The following LRP1B variants were observed in gnomAD, a reference collection of about 807,000 sequenced individuals.
The protein encoded by LRP1B is low-density lipoprotein receptor-related protein 1B.
LRP1B carries 217 observed loss-of-function variants against 556.6 expected under a neutral mutation model. The observed-to-expected ratio is 0.39, with a 90% CI of 0.35 to 0.44. LRP1B has a LOEUF of 0.44. LRP1B is among the 20% of genes least tolerant of loss of function. LRP1B has a pLI of 1.00. For synonymous variants in LRP1B, 2,047 were observed against 1,865.8 expected, an observed-to-expected ratio of 1.10 and a Z score of -2.50; for missense variants, 5,053 against 5,620.8, an observed-to-expected ratio of 0.90 and a Z score of 3.23.
Position 140,357,888 on chromosome 2 carries a change from G to C in LRP1B, c.11395+91C>G, listed in dbSNP as rs1237290324. On this transcript the variant is annotated intron_variant, in intron 74 of 90. Coordinates refer to ENST00000389484, the MANE Select transcript of LRP1B (RefSeq NM_018557.3). ...GCATCAGTCAAGCATACTTTGAAGA[G>C]CAATATTTCCATCCAGAACATTTTA... is the stretch of plus-strand genomic sequence containing the variant. 6.3e-6 allele frequency: 9 copies of C among 1,428,526 alleles called. No homozygotes were observed. The South Asian group carries it at 1.2e-4, about 19-fold the overall frequency. 88.5% of individuals were successfully genotyped at this position (1,428,526 alleles called of 1,614,324 possible).
At chr2:141,526,090 G>GCC (rs961038582) in intron 2 of LRP1B, among the ~76,000 whole-genome samples, 2 of 152,010 alleles carry the variant, frequency 1.3e-5, no homozygotes, top group African/African-American at 4.8e-5. Flanking sequence ...GTGTGGTAAA[G>GCC]TTAGACAGTT....
intron 3 of LRP1B, among the ~76,000 whole-genome samples, chr2:141,371,619 T>C (rs1689234100): frequency 6.6e-6 from 1 of 152,110 alleles, no homozygotes; most frequent in South Asian, 2.1e-4. Flanking sequence ...ACAAGGTAAT[T>C]TTTTAATATT....
chr2:141,300,558 G>C (rs374355346), intron 3 of LRP1B, among the ~76,000 whole-genome samples: 1 of 152,166 alleles, frequency 6.6e-6, no homozygotes, highest in Non-Finnish European at 1.5e-5. Flanking sequence ...GGTGAGCTTC[G>C]TGGCTGATTA....
chr2:140,300,708 G>A lies in LRP1B; in HGVS notation c.12806-2739C>T, dbSNP rs1573754990. On this transcript the variant is annotated intron_variant, in intron 83 of 90. Transcript: ENST00000389484. ...AGCCTATGAGTGTCAAGTACTGGTT[G>A]TAGGACCATGGGGAAATATGTGTTT... Among the ~76,000 whole-genome samples, 3 of 152,118 alleles carry A rather than the reference G, an allele frequency of 2.0e-5. No homozygotes were observed. In the East Asian group the frequency reaches 5.8e-4, roughly 29 times the overall value.
intron 2 of LRP1B, among the ~76,000 whole-genome samples, chr2:141,660,392 T>G (rs1182213914): frequency 7.4e-6 from 1 of 135,304 alleles, no homozygotes; most frequent in East Asian, 2.2e-4. Flanking sequence ...AGATTCTCAG[T>G]GGCCGCCTGG....
rs570169727 is a variant in LRP1B at position 140,855,493 on chromosome 2, G to GGAAAAAAAAAAAAAAAAAAAAA, written c.4580-3711_4580-3710insTTTTTTTTTTTTTTTTTTTTTC. 5.6e-4 allele frequency among the ~76,000 whole-genome samples: 56 copies of GGAAAAAAAAAAAAAAAAAAAAA among 99,408 alleles called. 3 individuals are homozygous for GGAAAAAAAAAAAAAAAAAAAAA. Among genetic ancestry groups the GGAAAAAAAAAAAAAAAAAAAAA allele is most frequent in the African/African-American group, 2.1e-3 (55 of 26,462 alleles). 65.2% of individuals were successfully genotyped at this position (99,408 alleles called of 152,430 possible). On this transcript the variant is annotated intron_variant, in intron 27 of 90. Coordinates refer to ENST00000389484, the MANE Select transcript of LRP1B (RefSeq NM_018557.3). ...GACAGGTAGGTCCCATCTCTACTGG[G>GGAAAAAAAAAAAAAAAAAAAAA]AAAAAAAAAAAATTTGAATGGCTTC...
chr2:140,421,785 G>A (rs775934282), intron 66 of LRP1B, among the ~76,000 whole-genome samples: 1 of 152,160 alleles, frequency 6.6e-6, no homozygotes, highest in Non-Finnish European at 1.5e-5. Flanking sequence ...AAACAGTGAA[G>A]GACTGAGTAA....
At chr2:140,540,950 A>G (rs768050848) in intron 45 of LRP1B, 23 bp downstream of exon 45, 1 of 1,600,656 alleles carries the variant, frequency 6.2e-7, no homozygotes, top group Non-Finnish European at 8.5e-7. Flanking sequence ...TTGTCATATT[A>G]CATTTCAATT....
At chr2:140,323,249 G>T (rs991084118) in intron 81 of LRP1B, among the ~76,000 whole-genome samples, 1 of 151,946 alleles carries the variant, frequency 6.6e-6, no homozygotes, top group Admixed American at 6.6e-5. Flanking sequence ...AGCTGTGTTA[G>T]AAATATATTT....
intron 23 of LRP1B, among the ~76,000 whole-genome samples, chr2:140,892,739 A>G (rs1247012522): frequency 6.6e-6 from 1 of 152,150 alleles, no homozygotes; most frequent in East Asian, 1.9e-4. Context: ...TCATTTGTAC[A>G]GAAAGTTAGG....
chr2:141,644,900 G>A (rs1689495914), intron 2 of LRP1B, among the ~76,000 whole-genome samples: 1 of 151,858 alleles, frequency 6.6e-6, no homozygotes. Context: ...CAATTATTTA[G>A]CAATAGTATT....
At chr2:142,117,604 T>C (rs771870712) in intron 1 of LRP1B, among the ~76,000 whole-genome samples, 9 of 144,556 alleles carry the variant, frequency 6.2e-5, no homozygotes, top group Non-Finnish European at 1.2e-4. Context: ...TTTATTTGTG[T>C]GTGTGTGTGT....
At chr2:140,718,742 TC>T (rs772445697) in intron 35 of LRP1B, among the ~76,000 whole-genome samples, 10 of 152,006 alleles carry the variant, frequency 6.6e-5, no homozygotes, top group African/African-American at 2.2e-4. Context: ...ACCAACTCCC[TC>T]CAATCCTCCC....
At chr2:140,273,000 G>GTA (rs923064379) in intron 85 of LRP1B, among the ~76,000 whole-genome samples, 2 of 151,900 alleles carry the variant, frequency 1.3e-5, no homozygotes, top group Admixed American at 1.3e-4. Context: ...ACTTTTGACT[G>GTA]TATAGCAAGC....
intron 20 of LRP1B, among the ~76,000 whole-genome samples, chr2:140,935,295 T>C (rs1225707784): frequency 6.6e-6 from 1 of 151,972 alleles, no homozygotes; most frequent in Non-Finnish European, 1.5e-5. Flanking sequence ...AAACAACGGA[T>C]GAACAAATGA....
At chr2:141,573,606 T>A (rs1686616139) in intron 2 of LRP1B, among the ~76,000 whole-genome samples, 1 of 129,472 alleles carries the variant, frequency 7.7e-6, no homozygotes, top group African/African-American at 3.0e-5. Context: ...AGAGAAGAAC[T>A]GAAGGATATA....
chr2:141,687,890 T>C (rs1691369152), intron 2 of LRP1B, among the ~76,000 whole-genome samples: 1 of 147,408 alleles, frequency 6.8e-6, no homozygotes, highest in African/African-American at 2.5e-5. Context: ...TTCAGGAATT[T>C]GGACATTTTT....
At chr2:141,070,572 T>G (rs1558839372) in intron 7 of LRP1B, among the ~76,000 whole-genome samples, 1 of 152,036 alleles carries the variant, frequency 6.6e-6, no homozygotes, top group East Asian at 1.9e-4. Context: ...AGGAGCTGGT[T>G]TTTTGAAAGG....
At chr2:140,595,745 C>A (rs1366270934) in intron 43 of LRP1B, among the ~76,000 whole-genome samples, 1 of 152,040 alleles carries the variant, frequency 6.6e-6, no homozygotes, top group Non-Finnish European at 1.5e-5. Flanking sequence ...TGCACATGTA[C>A]TCCCTGAATC....
Sources: allele counts gnomAD v4.1 joint callset (sites outside exome capture counted in the v4.1 genomes callset), GRCh38; gene constraint gnomAD v4.1.1; transcripts MANE v1.5; gene names NCBI Gene and HGNC (gene_info 2026-07-23, HGNC 2026-07-21).